PRKCH: variants seen among roughly 807,000 people sequenced by gnomAD.
PRKCH encodes protein kinase C eta type.
In PRKCH, 28 loss-of-function variants were observed where a neutral mutation model predicts 82.5. The ratio of observed to expected loss-of-function variants is 0.34; its 90% confidence interval spans 0.25 to 0.47. PRKCH has a LOEUF of 0.47. Among genes scored for constraint, PRKCH ranks in the 20% least tolerant of loss-of-function variants. The pLI, the probability that PRKCH is intolerant of heterozygous loss-of-function variation, is 1.00. For missense variants in PRKCH, 705 were observed against 881.8 expected, an observed-to-expected ratio of 0.80 and a Z score of 2.54; for synonymous variants, 322 against 327.4, an observed-to-expected ratio of 0.98 and a Z score of 0.18.
chr14:61,235,304 A>G (rs529321116), intron 1 of PRKCH, among the ~76,000 whole-genome samples: 1 of 152,364 alleles, frequency 6.6e-6, no homozygotes, highest in East Asian at 1.9e-4. Flanking sequence ...ACCGCTAGGC[A>G]AACAGCATGC....
Position 61,453,372 on chromosome 14 carries a change from T to C in PRKCH, c.960+19T>C. ...AACCTCGGTGAGACTTTGCTTTTTT[T>C]CCATGTCTCGTAATTTAGAAGTTGC... On this transcript the variant is annotated intron_variant, in intron 7 of 13. Coordinates refer to ENST00000332981, the MANE Select transcript of PRKCH (RefSeq NM_006255.5). 6.2e-7 allele frequency: 1 copy of C among 1,608,504 alleles called. No homozygotes were observed. Among genetic ancestry groups the C allele is most frequent in the South Asian group, 1.1e-5 (1 of 90,566 alleles).
intron 1 of PRKCH, among the ~76,000 whole-genome samples, chr14:61,211,940 C>T (rs990231413): frequency 4.6e-5 from 7 of 152,112 alleles, no homozygotes; most frequent in South Asian, 2.1e-4. Context: ...GGGAGTGAAG[C>T]GATTCAGCCC....
At chr14:61,345,873 T>C (rs2045985505) in intron 1 of PRKCH, among the ~76,000 whole-genome samples, 1 of 140,718 alleles carries the variant, frequency 7.1e-6, no homozygotes, top group African/African-American at 2.7e-5. Context: ...ACCCTGTCTC[T>C]CTTTTTTTTT....
At chr14:61,457,850 G>T (rs1884850123) in intron 9 of PRKCH, among the ~76,000 whole-genome samples, 171 bp downstream of exon 9, 1 of 152,194 alleles carries the variant, frequency 6.6e-6, no homozygotes, top group Admixed American at 6.5e-5. Context: ...GAGGAAAAAT[G>T]GAAGCTTATG....
intron 1 of PRKCH, among the ~76,000 whole-genome samples, chr14:61,371,496 C>T (rs760644078): frequency 3.3e-5 from 5 of 151,992 alleles, no homozygotes; most frequent in Non-Finnish European, 5.9e-5. Flanking sequence ...GACAAGTCCT[C>T]GTCAGGTATT....
intron 1 of PRKCH, among the ~76,000 whole-genome samples, chr14:61,273,845 C>G (rs2045179373): frequency 6.6e-6 from 1 of 152,106 alleles, no homozygotes; most frequent in African/African-American, 2.4e-5. Flanking sequence ...TTGTAGGAAA[C>G]AAAATGTTCA....
At chr14:61,304,323 A>T (rs2045469108) in intron 1 of PRKCH, 1 of 152,192 alleles carries the variant, frequency 6.6e-6, no homozygotes, top group African/African-American at 2.4e-5. Flanking sequence ...TTTTAAAAAA[A>T]TGAGAAGAAA....
chr14:61,409,165 G>A (rs1307677318), intron 2 of PRKCH, among the ~76,000 whole-genome samples: 1 of 152,196 alleles, frequency 6.6e-6, no homozygotes. Flanking sequence ...TGTGCCATGG[G>A]GGTGGTGGCT....
chr14:61,334,272 C>T (rs1329135724), intron 1 of PRKCH, among the ~76,000 whole-genome samples: 3 of 152,104 alleles, frequency 2.0e-5, no homozygotes, highest in African/African-American at 4.8e-5. Flanking sequence ...CCCAGCATCT[C>T]GGCTCTCCAG....
chr14:61,371,347 C>G (rs182253057), intron 1 of PRKCH, among the ~76,000 whole-genome samples: 4 of 152,040 alleles, frequency 2.6e-5, no homozygotes, highest in South Asian at 2.1e-4. Context: ...TATCAGATTT[C>G]CTTAGATTTT....
chr14:61,437,482 A>T (rs989204287), intron 2 of PRKCH, among the ~76,000 whole-genome samples: 2 of 152,250 alleles, frequency 1.3e-5, no homozygotes, highest in African/African-American at 2.4e-5. Flanking sequence ...TATCTCAGGA[A>T]GAAGAAAAAA....
chr14:61,466,126 C>T (rs1885244817), intron 9 of PRKCH, among the ~76,000 whole-genome samples: 1 of 152,102 alleles, frequency 6.6e-6, no homozygotes, highest in Non-Finnish European at 1.5e-5. Context: ...AAAAAGACTG[C>T]CAGGAAATTA....
chr14:61,264,465 A>T (rs2045078749), intron 1 of PRKCH, among the ~76,000 whole-genome samples: 3 of 152,214 alleles, frequency 2.0e-5, no homozygotes, highest in Admixed American at 6.5e-5. Context: ...GGCCACTTTC[A>T]GCAATTTCTC....
intron 2 of PRKCH, among the ~76,000 whole-genome samples, chr14:61,423,270 T>G (rs993869163): frequency 3.3e-5 from 5 of 152,188 alleles, no homozygotes; most frequent in Admixed American, 6.5e-5. Context: ...TCTGCAGGGA[T>G]ACACTAATAA....
At position 61,452,614 on chromosome 14, in the gene PRKCH, T is replaced by C. The variant is rs938467923; in HGVS notation, c.833-612T>C. Among the ~76,000 whole-genome samples, 29 of 152,244 alleles carry C rather than the reference T, an allele frequency of 1.9e-4. 3 individuals are homozygous for C. Among genetic ancestry groups the C allele is most frequent in the East Asian group, 9.6e-4 (5 of 5,186 alleles). On this transcript the variant is annotated intron_variant, in intron 6 of 13. Coordinates refer to ENST00000332981, the MANE Select transcript of PRKCH (RefSeq NM_006255.5). ...CCTTCAGAAAGTTTTAAAAGTTGCC[T>C]TTCCCCACTATGAAGCAGTTAGAAC... is the stretch of plus-strand genomic sequence containing the variant.
intron 1 of PRKCH, among the ~76,000 whole-genome samples, chr14:61,346,300 A>G (rs1257257672): frequency 6.6e-6 from 1 of 152,178 alleles, no homozygotes; most frequent in African/African-American, 2.4e-5. Context: ...TGGCTACACT[A>G]TCCATTTCTA....
At chr14:61,269,188 A>G (rs1395570090) in intron 1 of PRKCH, among the ~76,000 whole-genome samples, 1 of 152,176 alleles carries the variant, frequency 6.6e-6, no homozygotes, top group African/African-American at 2.4e-5. Flanking sequence ...TTTTTTAGAG[A>G]AAAAAGAAAT....
At chr14:61,213,646 G>A (rs2044598293) in intron 1 of PRKCH, among the ~76,000 whole-genome samples, 1 of 152,124 alleles carries the variant, frequency 6.6e-6, no homozygotes, top group African/African-American at 2.4e-5. Flanking sequence ...AAAACTAGTG[G>A]GCAAAAATAT....
intron 1 of PRKCH, among the ~76,000 whole-genome samples, chr14:61,229,644 T>C (rs1393571623): frequency 2.0e-5 from 3 of 152,170 alleles, no homozygotes; most frequent in Non-Finnish European, 4.4e-5. Flanking sequence ...TTGATTGCAT[T>C]GGAGGGTGGA....
Sources: gnomAD v4.1 joint callset for allele counts (sites outside exome capture counted in the v4.1 genomes callset) on GRCh38, gnomAD v4.1.1 for gene constraint, MANE v1.5 for transcripts, NCBI Gene and HGNC (gene_info 2026-07-23, HGNC 2026-07-21) for gene names.